TRAPPC9: variants seen among roughly 807,000 people sequenced by gnomAD.
TRAPPC9 encodes the protein IKK2 binding protein.
TRAPPC9 carries 83 observed loss-of-function variants against 124.0 expected under a neutral mutation model. That is an observed-to-expected ratio of 0.67 (90% CI 0.56 to 0.80). The LOEUF (loss-of-function observed/expected upper bound fraction) is 0.80. Among genes scored for constraint, TRAPPC9 ranks in the 30% least tolerant of loss-of-function variants. The pLI is 0.00. For synonymous variants in TRAPPC9, 638 were observed against 617.5 expected (o/e 1.03, Z -0.49); for missense variants, 1,302 against 1,508.3 (o/e 0.86, Z 2.27).
chr8:140,014,764 C>T (rs1839356325), intron 18 of TRAPPC9, among the ~76,000 whole-genome samples: 1 of 152,172 alleles, frequency 6.6e-6, no homozygotes, highest in Non-Finnish European at 1.5e-5. Context: ...TGCCTCCCTT[C>T]CACTCACGAA....
chr8:139,958,252 C>T (rs756497043), intron 19 of TRAPPC9, among the ~76,000 whole-genome samples: 1 of 152,244 alleles, frequency 6.6e-6, no homozygotes, highest in African/African-American at 2.4e-5. Flanking sequence ...TGACAACACA[C>T]TCACACCTCT....
chr8:140,451,487 A>C, intron 1 of TRAPPC9, 104 bp from the exon 2 acceptor site: 1 of 984,604 alleles, frequency 1.0e-6, no homozygotes, highest in Non-Finnish European at 1.6e-6. Context: ...GAGGCAGGGG[A>C]AGCCCCAAGG....
At chr8:139,879,731 G>A (rs1563887112) in intron 21 of TRAPPC9, among the ~76,000 whole-genome samples, 1 of 152,248 alleles carries the variant, frequency 6.6e-6, no homozygotes, top group Non-Finnish European at 1.5e-5. Flanking sequence ...AGAGAGAGAA[G>A]ACAGAGAAAG....
At chr8:140,231,242 T>G (rs2063585739) in intron 16 of TRAPPC9, among the ~76,000 whole-genome samples, 1 of 152,136 alleles carries the variant, frequency 6.6e-6, no homozygotes, top group South Asian at 2.1e-4. Flanking sequence ...AGGCCAGCAT[T>G]TCCAGGGACA....
At chr8:140,074,258 G>T (rs996233503) in intron 17 of TRAPPC9, among the ~76,000 whole-genome samples, 2 of 152,108 alleles carry the variant, frequency 1.3e-5, no homozygotes, top group Non-Finnish European at 2.9e-5. Context: ...CCAGCCCAGG[G>T]ACACTGGAGT....
intron 17 of TRAPPC9, among the ~76,000 whole-genome samples, chr8:140,114,338 A>AAG (rs2060838852): frequency 6.8e-6 from 1 of 146,136 alleles, no homozygotes; most frequent in South Asian, 2.1e-4. Context: ...TGAAGAAAAA[A>AAG]AAAAAAAAAA....
At chr8:139,763,717 A>G (rs1383248702) in intron 21 of TRAPPC9, among the ~76,000 whole-genome samples, 1 of 152,174 alleles carries the variant, frequency 6.6e-6, no homozygotes. Context: ...GTAAGCGGGG[A>G]CAGGATAAAG....
chr8:140,417,214 G>A (rs1253269368), intron 5 of TRAPPC9, among the ~76,000 whole-genome samples: 1 of 152,064 alleles, frequency 6.6e-6, no homozygotes, highest in African/African-American at 2.4e-5. Context: ...TTGAGAAATG[G>A]GATCTAATTA....
chr8:140,137,457 GGT>G (rs2061322751), intron 17 of TRAPPC9, among the ~76,000 whole-genome samples: 2 of 151,754 alleles, frequency 1.3e-5, no homozygotes, highest in Admixed American at 1.3e-4. Flanking sequence ...CTCTGGAGCG[GGT>G]AGTGAGCTTT....
At chr8:140,224,625 AACTGGTAGGCCATT>A (rs563005141) in intron 16 of TRAPPC9, among the ~76,000 whole-genome samples, 288 of 152,306 alleles carry the variant, frequency 1.9e-3, no homozygotes, top group Middle Eastern at 3.4e-3. Context: ...CAGTCCCTGC[AACTGGTAGGCCATT>A]TTTCTACCAG....
chr8:139,738,022 C>A (rs1028952916), intron 21 of TRAPPC9, among the ~76,000 whole-genome samples: 16 of 152,214 alleles, frequency 1.1e-4, no homozygotes, highest in Admixed American at 1.3e-4. Flanking sequence ...GCAGCAGGGG[C>A]AGGTCCTTCC....
intron 19 of TRAPPC9, chr8:139,932,701 T>C (rs764656923): frequency 1.3e-5 from 5 of 371,596 alleles, no homozygotes; most frequent in South Asian, 1.0e-4. Context: ...GAGGTGGAGG[T>C]TGCAGTGAGC....
chr8:140,249,345 G>A (rs1362670355), intron 16 of TRAPPC9, among the ~76,000 whole-genome samples: 1 of 152,134 alleles, frequency 6.6e-6, no homozygotes, highest in Non-Finnish European at 1.5e-5. Flanking sequence ...CCACGTTGCT[G>A]CAAAGGCCAT....
chr8:139,795,777 C>T (rs1823015364), intron 21 of TRAPPC9, among the ~76,000 whole-genome samples: 1 of 152,092 alleles, frequency 6.6e-6, no homozygotes, highest in African/African-American at 2.4e-5. Context: ...GGGAGGCGGA[C>T]CTCTGGGACA....
intron 21 of TRAPPC9, among the ~76,000 whole-genome samples, chr8:139,830,338 A>T (rs565028071): frequency 6.6e-6 from 1 of 152,036 alleles, no homozygotes; most frequent in Admixed American, 6.5e-5. Flanking sequence ...ACAAGTGAAT[A>T]TACACACGCA....
chr8:139,881,644 A>G (rs1465937267), intron 21 of TRAPPC9, among the ~76,000 whole-genome samples: 1 of 148,774 alleles, frequency 6.7e-6, no homozygotes, highest in Non-Finnish European at 1.5e-5. Flanking sequence ...GTTATGAAAA[A>G]AAGAGCTGGC....
At chr8:140,028,158 G>A (rs1415410170) in intron 17 of TRAPPC9, among the ~76,000 whole-genome samples, 1 of 151,716 alleles carries the variant, frequency 6.6e-6, no homozygotes, top group Non-Finnish European at 1.5e-5. Context: ...TTATATATAT[G>A]GTCTTATTAA....
intron 17 of TRAPPC9, among the ~76,000 whole-genome samples, chr8:140,115,176 C>G (rs76531016): frequency 6.6e-6 from 1 of 152,190 alleles, no homozygotes; most frequent in East Asian, 1.9e-4. Flanking sequence ...ATTTGCATGT[C>G]TACTTACCCA....
At chr8:140,161,756 G>A (rs1169534348) in intron 17 of TRAPPC9, among the ~76,000 whole-genome samples, 2 of 152,092 alleles carry the variant, frequency 1.3e-5, no homozygotes, top group Non-Finnish European at 2.9e-5. Flanking sequence ...CCACAAGAGA[G>A]GCACGGCAAT....
Sources: gnomAD v4.1 joint callset for allele counts (sites outside exome capture counted in the v4.1 genomes callset) on GRCh38, gnomAD v4.1.1 for gene constraint, MANE v1.5 for transcripts, NCBI Gene and HGNC (gene_info 2026-07-23, HGNC 2026-07-21) for gene names.